Variants in CTDSPL2 observed in about 807,000 individuals in gnomAD.
The protein encoded by CTDSPL2 is CTD small phosphatase like 2.
A neutral mutation model predicts 60.0 loss-of-function variants in CTDSPL2; 5 were observed. The observed-to-expected ratio is 0.08, with a 90% CI of 0.04 to 0.18. CTDSPL2 has a LOEUF of 0.18. Among genes scored for constraint, CTDSPL2 ranks in the 10% least tolerant of loss-of-function variants. The pLI is 1.00. For missense variants in CTDSPL2, 370 were observed against 548.8 expected, an observed-to-expected ratio of 0.67 and a Z score of 3.26; for synonymous variants, 186 against 189.3, an observed-to-expected ratio of 0.98 and a Z score of 0.14.
At chr15:44,434,982 C>G (rs2079943898) in intron 1 of CTDSPL2, among the ~76,000 whole-genome samples, 3 of 152,150 alleles carry the variant, frequency 2.0e-5, no homozygotes, top group African/African-American at 4.8e-5. Flanking sequence ...TAACCTTCGA[C>G]CAGACACAGT....
intron 2 of CTDSPL2, among the ~76,000 whole-genome samples, chr15:44,476,037 C>T (rs1170279702): frequency 1.3e-5 from 2 of 152,118 alleles, no homozygotes; most frequent in African/African-American, 4.8e-5. Flanking sequence ...CCTGTTGTAA[C>T]CTAATGATTC....
intron 1 of CTDSPL2, among the ~76,000 whole-genome samples, chr15:44,432,386 C>G (rs1009845457): frequency 6.6e-6 from 1 of 151,816 alleles, no homozygotes. Flanking sequence ...GTGGGGCAAT[C>G]TTGGCTCAAT....
intron 8 of CTDSPL2, among the ~76,000 whole-genome samples, chr15:44,513,966 C>T (rs2081609767): frequency 6.6e-6 from 1 of 152,094 alleles, no homozygotes; most frequent in Non-Finnish European, 1.5e-5. Context: ...GTTTTGAGAA[C>T]TGTTGTGTTT....
Position 44,490,885 on chromosome 15 carries a change from A to G in CTDSPL2, c.577A>G (p.Thr193Ala). The change falls in exon 5 of 13, where the codon ACA (threonine) becomes GCA (alanine). Residue 193 changes from threonine (T) to alanine (A), a missense_variant. Thr to Ala is a moderately conservative substitution (Grantham distance 58). Transcript: ENST00000260327. ...QVDEITTSTT[T>A]STNGAAYSNQ... is the part of the protein sequence containing the mutation. The stretch of plus-strand genomic sequence containing the variant: ...GGATGAGATCACTACCAGTACTACT[A>G]CATCAACTAATGGAGCAGCTTACTC... The G allele has an allele frequency of 1.9e-6, 3 of 1,613,966 alleles. No individual in the cohort carries two copies. The highest frequency in any genetic ancestry group is 2.5e-6 in the Non-Finnish European group (3 of 1,179,860).
intron 1 of CTDSPL2, among the ~76,000 whole-genome samples, chr15:44,456,310 G>T (rs1446834066): frequency 6.6e-6 from 1 of 152,192 alleles, no homozygotes; most frequent in Admixed American, 6.5e-5. Flanking sequence ...AGTTTCAGAA[G>T]GAATGGTACC....
chr15:44,433,432 G>A lies in CTDSPL2; in HGVS notation c.-25+5660G>A, dbSNP rs551635684. ...AGCCACTGCGCTCAGCCTAAGTAGGGATTTAAATGTTTTATATACATATAT... is the reference window on the plus strand; with the variant it reads ...AGCCACTGCGCTCAGCCTAAGTAGGAATTTAAATGTTTTATATACATATAT... On this transcript the variant is annotated intron_variant, in intron 1 of 12. Transcript: ENST00000260327. 4.5e-3 allele frequency among the ~76,000 whole-genome samples: 679 copies of A among 150,078 alleles called. 4 individuals are homozygous for A. Among genetic ancestry groups the A allele is most frequent in the African/African-American group, 0.016 (646 of 40,578 alleles).
At chr15:44,446,202 G>T (rs1341756750) in intron 1 of CTDSPL2, among the ~76,000 whole-genome samples, 1 of 152,054 alleles carries the variant, frequency 6.6e-6, no homozygotes, top group Non-Finnish European at 1.5e-5. Flanking sequence ...GGGATTACAG[G>T]TATGAACCAC....
intron 2 of CTDSPL2, among the ~76,000 whole-genome samples, chr15:44,464,421 C>T (rs1399783457): frequency 6.6e-6 from 1 of 152,204 alleles, no homozygotes; most frequent in Non-Finnish European, 1.5e-5. Flanking sequence ...TATACTACTG[C>T]ATCTCCAATA....
chr15:44,462,490 T>C (rs189993569), intron 2 of CTDSPL2, among the ~76,000 whole-genome samples: 1 of 152,154 alleles, frequency 6.6e-6, no homozygotes, highest in African/African-American at 2.4e-5. Flanking sequence ...GAGCACACAG[T>C]GTAGATCCCT....
rs1282145853 is a variant in CTDSPL2, at chr15:44,431,150, G to A, written c.-25+3378G>A. Among the ~76,000 whole-genome samples, 19 of 150,196 alleles carry A rather than the reference G, an allele frequency of 1.3e-4. No homozygotes were observed. In the East Asian group the frequency reaches 2.9e-3, roughly 23 times the overall value. ...TTTTTTTTTTTTTTTTAATGGAGAC[G>A]GGGTCTCGCTGTGTCACCCAGACTG... On this transcript the variant is annotated intron_variant, in intron 1 of 12. Coordinates refer to ENST00000260327, the MANE Select transcript of CTDSPL2 (RefSeq NM_016396.3).
At chr15:44,506,406 CTTTGACTTT>C (rs1304831130) in intron 8 of CTDSPL2, among the ~76,000 whole-genome samples, 3 of 137,144 alleles carry the variant, frequency 2.2e-5, no homozygotes, top group African/African-American at 8.4e-5. Flanking sequence ...TTTTATCCTA[CTTTGACTTT>C]TTTTTTTTTT....
At chr15:44,436,002 C>G (rs752214637) in intron 1 of CTDSPL2, among the ~76,000 whole-genome samples, 1 of 151,962 alleles carries the variant, frequency 6.6e-6, no homozygotes, top group Non-Finnish European at 1.5e-5. Context: ...GTTTTTTCCC[C>G]AAGTCCTCCT....
intron 1 of CTDSPL2, among the ~76,000 whole-genome samples, chr15:44,435,460 C>T (rs1457143808): frequency 6.6e-6 from 1 of 151,434 alleles, no homozygotes; most frequent in African/African-American, 2.4e-5. Flanking sequence ...ATCCCAGCTA[C>T]TCGGGAGGCT....
chr15:44,511,347 A>AG (rs2081562052), intron 8 of CTDSPL2, among the ~76,000 whole-genome samples: 1 of 152,240 alleles, frequency 6.6e-6, no homozygotes, highest in African/African-American at 2.4e-5. Context: ...CAATGAAGTT[A>AG]TAGCTTTGAC....
At chr15:44,466,204 T>C (rs2080687365) in intron 2 of CTDSPL2, among the ~76,000 whole-genome samples, 2 of 152,202 alleles carry the variant, frequency 1.3e-5, no homozygotes, top group Non-Finnish European at 2.9e-5. Flanking sequence ...CCCAAAGTGC[T>C]GGGATTACAG....
intron 1 of CTDSPL2, among the ~76,000 whole-genome samples, chr15:44,433,205 C>T (rs1013944250): frequency 4.6e-5 from 7 of 151,470 alleles, no homozygotes; most frequent in African/African-American, 1.7e-4. Flanking sequence ...GTCCCAGCCA[C>T]TAGCGGGGCT....
rs150701884 is a variant in CTDSPL2 at position 44,470,138 on chromosome 15, A to G, written c.186+10938A>G. Among the ~76,000 whole-genome samples, 22 of 150,526 alleles carry G rather than the reference A, an allele frequency of 1.5e-4. No individual in the cohort carries two copies. The East Asian group carries it at 3.9e-3, about 27-fold the overall frequency. ...AAAAAAAAATGGCGACTGCATAGTC[A>G]GCTATCTTATTTTTTCATGTACTTG... is the stretch of plus-strand genomic sequence containing the variant. On this transcript the variant is annotated intron_variant, in intron 2 of 12. Coordinates refer to ENST00000260327, the MANE Select transcript of CTDSPL2 (RefSeq NM_016396.3).
At chr15:44,484,550 C>T (rs1412131603) in intron 3 of CTDSPL2, among the ~76,000 whole-genome samples, 188 bp downstream of exon 3, 2 of 152,302 alleles carry the variant, frequency 1.3e-5, no homozygotes, top group South Asian at 2.1e-4. Flanking sequence ...GCCTGGCCAA[C>T]GTGGCAAAAC....
chr15:44,489,589 G>C (rs1207072898), intron 4 of CTDSPL2, among the ~76,000 whole-genome samples: 6 of 152,152 alleles, frequency 3.9e-5, no homozygotes, highest in Non-Finnish European at 7.4e-5. Context: ...CCAGGTTATA[G>C]CTATGGTAGT....
Sources: gnomAD v4.1 joint callset for allele counts (sites outside exome capture counted in the v4.1 genomes callset) on GRCh38, gnomAD v4.1.1 for gene constraint, MANE v1.5 for transcripts, NCBI Gene and HGNC (gene_info 2026-07-23, HGNC 2026-07-21) for gene names.